The following ATRN variants were observed in gnomAD, a reference collection of about 807,000 sequenced individuals.
ATRN encodes attractin.
Under a neutral mutation model 178.7 loss-of-function variants are expected in ATRN, and 54 were observed. That is an observed-to-expected ratio of 0.30 (90% CI 0.24 to 0.38). ATRN has a LOEUF of 0.38. ATRN is among the 10% of genes least tolerant of loss of function. The pLI is 1.00. For synonymous variants in ATRN, 636 were observed against 663.0 expected (o/e 0.96, Z 0.63); for missense variants, 1,443 against 1,815.1 (o/e 0.79, Z 3.73).
chr20:3,591,198 A>G lies in ATRN; in HGVS notation c.3214A>G (p.Ile1072Val), dbSNP rs369690020. Residue 1072 changes from isoleucine to valine, a missense_variant, in exon 19 of 29, where the codon ATC (isoleucine) becomes GTC (valine). Physicochemically the swap from Ile to Val is conservative, Grantham distance 29 (BLOSUM62 3). Around this residue, in one of 4 missense-constraint regions of ATRN, gnomAD observed 80 missense variants for 71.5 expected, o/e 1.12. Coordinates refer to ENST00000262919, the MANE Select transcript of ATRN (RefSeq NM_139321.3). ...ACQCNGHSKC[I>V]NQSICEKCEN... ...CCAATGCAACGGCCACAGTAAATGCATCAATCAGAGCATCTGTGAGAAGTG... is the reference window on the plus strand; with the variant it reads ...CCAATGCAACGGCCACAGTAAATGCGTCAATCAGAGCATCTGTGAGAAGTG... 8 of 1,614,074 alleles carry G rather than the reference A, an allele frequency of 5.0e-6. No homozygotes were observed. In the African/African-American group the frequency reaches 9.3e-5, roughly 19 times the overall value.
chr20:3,545,833 T>C lies in ATRN; in HGVS notation c.680T>C (p.Leu227Ser), dbSNP rs1485531177. Residue 227 changes from leucine (L) to serine (S), a missense_variant, in exon 4 of 29, where the codon TTG becomes TCG. Leu to Ser is a moderately radical substitution (Grantham distance 145). Transcript: ENST00000262919. ...PEVVATSGYA[L>S]LHFFSDAAYN... is the part of the protein sequence containing the mutation. ...GTTGTTGCCACATCAGGTTATGCCT[T>C]GCTGCATTTTTTTAGTGATGCTGCT... is the stretch of plus-strand genomic sequence containing the variant. The C allele has an allele frequency of 6.2e-7, 1 of 1,614,126 alleles. No individual in the cohort carries two copies. Among genetic ancestry groups the C allele is most frequent in the South Asian group, 1.1e-5 (1 of 91,082 alleles).
At chr20:3,484,696 A>G (rs1375683731) in intron 1 of ATRN, among the ~76,000 whole-genome samples, 1 of 152,124 alleles carries the variant, frequency 6.6e-6, no homozygotes, top group Non-Finnish European at 1.5e-5. Context: ...GCCTGGGGAA[A>G]TCTGTCATCT....
intron 24 of ATRN, among the ~76,000 whole-genome samples, chr20:3,610,590 T>TTTTTTA (rs2086748509): frequency 6.8e-6 from 1 of 146,710 alleles, no homozygotes; most frequent in Non-Finnish European, 1.5e-5. Flanking sequence ...TTTTTTTTTT[T>TTTTTTA]GAGACAGGGT....
intron 6 of ATRN, among the ~76,000 whole-genome samples, chr20:3,556,976 T>C (rs1044774709): frequency 6.6e-6 from 1 of 152,186 alleles, no homozygotes. Context: ...CCGTGCCCTT[T>C]AACAGAAATG....
intron 1 of ATRN, among the ~76,000 whole-genome samples, chr20:3,517,721 A>G (rs923374026): frequency 6.6e-6 from 1 of 151,558 alleles, no homozygotes; most frequent in Non-Finnish European, 1.5e-5. Context: ...CAGTCAGCCA[A>G]CACGGTGCCA....
Position 3,549,788 on chromosome 20 carries a change from G to A in ATRN, c.1112+450G>A, listed in dbSNP as rs540485514. On this transcript the variant is annotated intron_variant, in intron 6 of 28. Coordinates refer to ENST00000262919, the MANE Select transcript of ATRN (RefSeq NM_139321.3). ...AATATGTGTTGTCATAGTGGAATTA[G>A]CTATGGAGGTGGACTTGTAGAAAAA... is the stretch of plus-strand genomic sequence containing the variant. Among the ~76,000 whole-genome samples, 4 of 152,304 alleles carry A rather than the reference G, an allele frequency of 2.6e-5. No individual in the cohort carries two copies. In the East Asian group the frequency reaches 7.7e-4, roughly 29 times the overall value.
intron 11 of ATRN, among the ~76,000 whole-genome samples, chr20:3,571,381 TTCTA>T: frequency 6.6e-6 from 1 of 152,184 alleles, no homozygotes; most frequent in Non-Finnish European, 1.5e-5. Context: ...ATTTTTGCTA[TTCTA>T]TCTTTGTGCT....
intron 19 of ATRN, among the ~76,000 whole-genome samples, chr20:3,593,773 G>A (rs112096110): frequency 0.023 from 3,520 of 152,288 alleles, 61 homozygotes; most frequent in Non-Finnish European, 0.035. Flanking sequence ...GCAAAACAGG[G>A]TATAAAGTGA....
At chr20:3,637,589 A>T (rs1428355617) in intron 26 of ATRN, among the ~76,000 whole-genome samples, 2 of 152,208 alleles carry the variant, frequency 1.3e-5, no homozygotes, top group Non-Finnish European at 2.9e-5. Context: ...GCCTACTTGT[A>T]TCCCAAGGCA....
intron 1 of ATRN, among the ~76,000 whole-genome samples, chr20:3,485,853 C>T (rs2084686292): frequency 6.6e-6 from 1 of 151,916 alleles, no homozygotes; most frequent in African/African-American, 2.4e-5. Context: ...AACTCCTGAC[C>T]TCATAATCCT....
At chr20:3,537,908 A>G (rs541625813) in intron 2 of ATRN, among the ~76,000 whole-genome samples, 1 of 145,498 alleles carries the variant, frequency 6.9e-6, no homozygotes, top group African/African-American at 2.5e-5. Context: ...ATTTTATTTT[A>G]TTTTATTTTA....
chr20:3,579,269 T>C (rs888319928), intron 15 of ATRN, among the ~76,000 whole-genome samples: 2 of 152,114 alleles, frequency 1.3e-5, no homozygotes, highest in African/African-American at 4.8e-5. Flanking sequence ...GTGGATCGCC[T>C]GAGGTCAGGA....
chr20:3,509,367 A>G (rs2146123973), intron 1 of ATRN, among the ~76,000 whole-genome samples: 1 of 152,366 alleles, frequency 6.6e-6, no homozygotes, highest in Admixed American at 6.5e-5. Flanking sequence ...GGATTGCTAG[A>G]GGCAAAATAG....
At chr20:3,540,430 C>T (rs1287119256) in intron 3 of ATRN, 95 bp downstream of exon 3, 7 of 733,788 alleles carry the variant, frequency 9.5e-6, no homozygotes, top group Non-Finnish European at 1.6e-5. Context: ...CCTTTATTAT[C>T]ACTTAACACA....
chr20:3,578,134 T>C (rs1398214632), intron 14 of ATRN, among the ~76,000 whole-genome samples: 1 of 152,242 alleles, frequency 6.6e-6, no homozygotes, highest in East Asian at 1.9e-4. Flanking sequence ...ACCTTCCACC[T>C]GATGATATGA....
chr20:3,600,793 G>A (rs2086597508), intron 22 of ATRN, among the ~76,000 whole-genome samples, 153 bp from the exon 23 acceptor site: 1 of 152,150 alleles, frequency 6.6e-6, no homozygotes, highest in African/African-American at 2.4e-5. Context: ...AGGAAAATTG[G>A]TTAGAAATTT....
intron 1 of ATRN, chr20:3,490,132 C>G: frequency 6.7e-7 from 1 of 1,483,554 alleles, no homozygotes. Flanking sequence ...AAAGAGTTAT[C>G]AAGTGACTCC....
chr20:3,639,043 T>C (rs2087046887), intron 27 of ATRN, 108 bp downstream of exon 27: 5 of 739,278 alleles, frequency 6.8e-6, no homozygotes, highest in East Asian at 2.8e-5. Flanking sequence ...CTCCTTTTTT[T>C]CCTCTCTTTC....
Position 3,540,355 on chromosome 20 carries a change from CCTT to C in ATRN, c.608+24_608+26del, listed in dbSNP as rs752948026. 6 of 1,434,908 alleles carry C rather than the reference CCTT, an allele frequency of 4.2e-6. No individual in the cohort carries two copies. In the East Asian group the frequency reaches 6.9e-5, roughly 16 times the overall value. 88.9% of individuals were successfully genotyped at this position (1,434,908 alleles called of 1,614,324 possible). A position where few individuals can be genotyped will look rare whatever the true frequency, so the allele number is the denominator to read the frequency against. ...ATTTAGGTAAGCTCAGTCTTACAAG[CCTT>C]CTTTCATCGTTTGATTTCTAAATTT... On this transcript the variant is annotated intron_variant, in intron 3 of 28. Coordinates refer to ENST00000262919, the MANE Select transcript of ATRN (RefSeq NM_139321.3).
Sources: allele counts gnomAD v4.1 joint callset (sites outside exome capture counted in the v4.1 genomes callset), GRCh38; gene constraint gnomAD v4.1.1; regional missense constraint gnomAD v4.1.1; transcripts MANE v1.5; gene names NCBI Gene and HGNC (gene_info 2026-07-23, HGNC 2026-07-21).